Variants in PIP4K2A observed in about 807,000 individuals in gnomAD.
The protein encoded by PIP4K2A is phosphatidylinositol-5-phosphate 4-kinase type 2 alpha.
Under a neutral mutation model 42.9 loss-of-function variants are expected in PIP4K2A, and 14 were observed. The ratio of observed to expected loss-of-function variants is 0.33; its 90% CI spans 0.22 to 0.51. The LOEUF is 0.51. Ranked by LOEUF, PIP4K2A falls within the 20% of genes least tolerant of loss-of-function variation. PIP4K2A has a pLI of 0.97. For synonymous variants in PIP4K2A, 192 were observed against 192.2 expected (o/e 1.00, Z 0.01); for missense variants, 434 against 519.8 (o/e 0.83, Z 1.61).
At chr10:22,615,790 C>A (rs1838165057) in intron 1 of PIP4K2A, among the ~76,000 whole-genome samples, 1 of 152,178 alleles carries the variant, frequency 6.6e-6, no homozygotes, top group East Asian at 1.9e-4. Context: ...TAATGGTTGT[C>A]AATCCCCTTT....
intron 4 of PIP4K2A, among the ~76,000 whole-genome samples, chr10:22,589,310 C>G (rs7921549): frequency 6.6e-6 from 1 of 152,182 alleles, no homozygotes; most frequent in East Asian, 1.9e-4. Flanking sequence ...GTGAAGAGTT[C>G]AAAGCTGCAA....
intron 1 of PIP4K2A, among the ~76,000 whole-genome samples, chr10:22,631,356 T>C (rs539103615): frequency 1.1e-4 from 16 of 152,052 alleles, no homozygotes; most frequent in Admixed American, 7.9e-4. Flanking sequence ...TCTGATGGAA[T>C]TAATGTCCTT....
chr10:22,624,517 G>T (rs911842073), intron 1 of PIP4K2A, among the ~76,000 whole-genome samples: 9 of 152,128 alleles, frequency 5.9e-5, no homozygotes, highest in Non-Finnish European at 2.9e-5. Flanking sequence ...TGTATTCAAA[G>T]AACTACTGTG....
At chr10:22,592,080 A>G (rs1357235191) in intron 3 of PIP4K2A, among the ~76,000 whole-genome samples, 1 of 152,230 alleles carries the variant, frequency 6.6e-6, no homozygotes, top group Non-Finnish European at 1.5e-5. Flanking sequence ...AGAGTTGGAC[A>G]AGCTCTCAAA....
intron 5 of PIP4K2A, among the ~76,000 whole-genome samples, chr10:22,572,356 C>G (rs1011942855): frequency 1.3e-5 from 2 of 152,148 alleles, no homozygotes; most frequent in East Asian, 1.9e-4. Flanking sequence ...TGGTTCATGC[C>G]TATAATCCCA....
At chr10:22,570,016 T>A (rs950978714) in intron 5 of PIP4K2A, among the ~76,000 whole-genome samples, 2 of 151,990 alleles carry the variant, frequency 1.3e-5, no homozygotes, top group Non-Finnish European at 2.9e-5. Context: ...TAAGTATAAT[T>A]TACTCCAAGA....
chr10:22,621,880 T>G (rs1838338228), intron 1 of PIP4K2A, among the ~76,000 whole-genome samples: 1 of 152,226 alleles, frequency 6.6e-6, no homozygotes, highest in African/African-American at 2.4e-5. Context: ...CTTTTGTTTT[T>G]CTTTCCATGA....
chr10:22,566,221 G>C (rs1836845007), intron 6 of PIP4K2A, among the ~76,000 whole-genome samples: 1 of 152,098 alleles, frequency 6.6e-6, no homozygotes, highest in South Asian at 2.1e-4. Flanking sequence ...CTACCAACGT[G>C]TGATGTCTCC....
chr10:22,654,137 C>G (rs559920102), intron 1 of PIP4K2A, among the ~76,000 whole-genome samples: 8 of 152,204 alleles, frequency 5.3e-5, no homozygotes, highest in African/African-American at 1.9e-4. Context: ...CCGCAGATGC[C>G]CAAGGCCATT....
chr10:22,574,286 C>G (rs1404368866), intron 4 of PIP4K2A, among the ~76,000 whole-genome samples: 1 of 152,202 alleles, frequency 6.6e-6, no homozygotes, highest in Non-Finnish European at 1.5e-5. Flanking sequence ...TCTATGTCCA[C>G]TGACACGTGT....
chr10:22,576,308 C>T (rs547814190), intron 4 of PIP4K2A, among the ~76,000 whole-genome samples: 6 of 152,232 alleles, frequency 3.9e-5, no homozygotes, highest in South Asian at 2.1e-4. Flanking sequence ...TTCTCTAGCA[C>T]GATGCGCTGT....
intron 6 of PIP4K2A, among the ~76,000 whole-genome samples, chr10:22,556,796 C>G (rs575392505): frequency 3.4e-4 from 51 of 152,124 alleles, no homozygotes; most frequent in Non-Finnish European, 6.3e-4. Flanking sequence ...TTATTATAAA[C>G]ATTTGTGTAT....
chr10:22,674,792 A>AATAC (rs1337087606), intron 1 of PIP4K2A, among the ~76,000 whole-genome samples: 1 of 151,578 alleles, frequency 6.6e-6, no homozygotes, highest in Non-Finnish European at 1.5e-5. Flanking sequence ...AAAATAAATA[A>AATAC]ATAAATAAAT....
intron 7 of PIP4K2A, among the ~76,000 whole-genome samples, chr10:22,548,043 C>T (rs1836299834): frequency 6.6e-6 from 1 of 152,164 alleles, no homozygotes; most frequent in African/African-American, 2.4e-5. Flanking sequence ...CAATGAAACT[C>T]CAATGGGTCA....
In PIP4K2A at chr10:22,537,199, G is replaced by A; in HGVS notation, c.*2C>T. The A allele has an allele frequency of 6.3e-7, 1 of 1,599,192 alleles. No homozygotes were observed. The highest frequency in any genetic ancestry group is 8.5e-7 in the Non-Finnish European group (1 of 1,170,742). On this transcript the variant is annotated 3_prime_UTR_variant, in exon 10 of 10. Transcript: ENST00000376573. ...CATGTCTGTCCGAGGCTGCGCAGGA[G>A]GTTACGTCAAGATGTGGCCAATAAA...
chr10:22,581,288 T>TTCTAGATGTCTGCGATGCAGCCA (rs71395803), intron 4 of PIP4K2A, among the ~76,000 whole-genome samples: 1 of 151,974 alleles, frequency 6.6e-6, no homozygotes, highest in African/African-American at 2.4e-5. Context: ...GAGCGGAGGC[T>TTCTAGATGTCTGCGATGCAGCCA]TGACATTGAG....
chr10:22,661,404 T>C (rs1333205444), intron 1 of PIP4K2A, among the ~76,000 whole-genome samples: 1 of 147,072 alleles, frequency 6.8e-6, no homozygotes, highest in Non-Finnish European at 1.5e-5. Flanking sequence ...TCGCTCGGGC[T>C]GGAGTGCAGT....
intron 3 of PIP4K2A, among the ~76,000 whole-genome samples, chr10:22,604,648 T>C (rs1217443499): frequency 1.3e-5 from 2 of 152,170 alleles, no homozygotes; most frequent in South Asian, 2.1e-4. Context: ...GCAGCTCACA[T>C]TGATAAGCTC....
At chr10:22,683,626 G>A (rs977500959) in intron 1 of PIP4K2A, among the ~76,000 whole-genome samples, 7 of 152,118 alleles carry the variant, frequency 4.6e-5, no homozygotes, top group Non-Finnish European at 1.0e-4. Flanking sequence ...TCCCCCTCAA[G>A]CAGCAACTGC....
Sources: gnomAD v4.1 joint callset for allele counts (sites outside exome capture counted in the v4.1 genomes callset) on GRCh38, gnomAD v4.1.1 for gene constraint, MANE v1.5 for transcripts, NCBI Gene and HGNC (gene_info 2026-07-23, HGNC 2026-07-21) for gene names.